The following LRIG1 variants were observed in gnomAD, a reference collection of about 807,000 sequenced individuals.
LRIG1 encodes leucine-rich repeats and immunoglobulin-like domains protein 1.
In LRIG1, 48 loss-of-function variants were observed where a neutral mutation model predicts 99.2. The ratio of observed to expected loss-of-function variants is 0.48; its 90% confidence interval spans 0.38 to 0.62. The LOEUF is 0.62. Among genes scored for constraint, LRIG1 ranks in the 20% least tolerant of loss-of-function variants. The probability of loss-of-function intolerance (pLI) is 0.00; values close to 1 mark genes in which losing one functional copy is unlikely to be tolerated. For synonymous variants in LRIG1, 772 were observed against 596.1 expected, an observed-to-expected ratio of 1.29 and a Z score of -4.30; for missense variants, 1,646 against 1,434.4, an observed-to-expected ratio of 1.15 and a Z score of -2.38.
At chr3:66,430,269 G>GT (rs1253521891) in intron 3 of LRIG1, among the ~76,000 whole-genome samples, 1 of 152,168 alleles carries the variant, frequency 6.6e-6, no homozygotes, top group Non-Finnish European at 1.5e-5. Flanking sequence ...ACAACGTGGA[G>GT]TTAACTTTTT....
chr3:66,435,237 A>C (rs1019656430), intron 3 of LRIG1, among the ~76,000 whole-genome samples: 2 of 152,260 alleles, frequency 1.3e-5, no homozygotes, highest in Non-Finnish European at 2.9e-5. Context: ...AAATGAAAAA[A>C]CTACAAATTT....
At chr3:66,384,547 C>T (rs1440637081) in intron 13 of LRIG1, among the ~76,000 whole-genome samples, 2 of 152,044 alleles carry the variant, frequency 1.3e-5, no homozygotes, top group Non-Finnish European at 2.9e-5. Flanking sequence ...ATGGCAGTGC[C>T]TATACGGGAG....
chr3:66,415,482 A>T (rs538644646), intron 4 of LRIG1, among the ~76,000 whole-genome samples: 19 of 152,332 alleles, frequency 1.2e-4, no homozygotes, highest in African/African-American at 4.6e-4. Context: ...GTCAGTGTTA[A>T]TTTAATAATT....
rs1251439733 is a variant in LRIG1 at position 66,386,082 on chromosome 3, T to C, written c.1688A>G (p.His563Arg). 2 of 1,614,054 alleles carry C rather than the reference T, an allele frequency of 1.2e-6. 1 individual carries two copies. The highest frequency in any genetic ancestry group is 2.2e-5 in the South Asian group (2 of 91,070). Residue 563 changes from histidine (H) to arginine (R), a missense_variant, in exon 13 of 19, where the codon CAC (histidine) becomes CGC (arginine). Physicochemically the swap from His to Arg is conservative, Grantham distance 29. Coordinates refer to ENST00000273261, the MANE Select transcript of LRIG1 (RefSeq NM_015541.3). Reference sequence around the variant, plus strand: ...GTGCCCGAAAGTGACCTGACGGAGGTGCAGGATGGTGGTGTACTCCATCAC... The same window carrying C: ...GTGCCCGAAAGTGACCTGACGGAGGCGCAGGATGGTGGTGTACTCCATCAC... ...GEVMEYTTIL[H>R]LRQVTFGHEG...
intron 9 of LRIG1, among the ~76,000 whole-genome samples, chr3:66,401,961 G>A (rs138849959): frequency 7.8e-4 from 118 of 152,206 alleles, no homozygotes; most frequent in Middle Eastern, 3.4e-3. Flanking sequence ...GGAAGTAGCC[G>A]CGACATGTGC....
At chr3:66,456,380 G>A (rs927082303) in intron 2 of LRIG1, among the ~76,000 whole-genome samples, 1 of 152,050 alleles carries the variant, frequency 6.6e-6, no homozygotes, top group Non-Finnish European at 1.5e-5. Context: ...CCAGTAGTTC[G>A]AGACTAGCCT....
At chr3:66,461,592 A>G (rs140259666) in intron 2 of LRIG1, among the ~76,000 whole-genome samples, 1 of 152,346 alleles carries the variant, frequency 6.6e-6, no homozygotes, top group African/African-American at 2.4e-5. Flanking sequence ...TGTACATGTA[A>G]TAGTTTTCAC....
chr3:66,426,037 T>C (rs910460799), intron 3 of LRIG1, among the ~76,000 whole-genome samples: 1 of 152,170 alleles, frequency 6.6e-6, no homozygotes, highest in African/African-American at 2.4e-5. Context: ...TTCCCGTTAG[T>C]GGTGGAAAAG....
chr3:66,444,809 A>G (rs1434269943), intron 3 of LRIG1, among the ~76,000 whole-genome samples: 4 of 152,194 alleles, frequency 2.6e-5, no homozygotes, highest in Non-Finnish European at 5.9e-5. Context: ...AATCTGTGCA[A>G]ACAGGGAAGG....
At chr3:66,434,482 C>G (rs1028316034) in intron 3 of LRIG1, among the ~76,000 whole-genome samples, 3 of 152,166 alleles carry the variant, frequency 2.0e-5, no homozygotes, top group Admixed American at 2.0e-4. Flanking sequence ...CGCGGTAGCT[C>G]ACACCTGTAA....
intron 7 of LRIG1, among the ~76,000 whole-genome samples, chr3:66,408,137 C>T (rs761759781): frequency 6.6e-6 from 1 of 152,248 alleles, no homozygotes; most frequent in African/African-American, 2.4e-5. Flanking sequence ...CCTCCCAGCA[C>T]TCCTGCACCT....
intron 1 of LRIG1, among the ~76,000 whole-genome samples, chr3:66,489,083 G>A (rs762025961): frequency 1.3e-5 from 2 of 152,148 alleles, no homozygotes; most frequent in Non-Finnish European, 2.9e-5. Flanking sequence ...TAAAAATGAA[G>A]GAAAGCACCA....
At chr3:66,499,451 GC>G (rs1405452037) in intron 1 of LRIG1, among the ~76,000 whole-genome samples, 4 of 152,134 alleles carry the variant, frequency 2.6e-5, no homozygotes, top group Non-Finnish European at 5.9e-5. Context: ...GCCCAATGGG[GC>G]CCCAGGGAAC....
At chr3:66,486,626 T>C (rs1700981119) in intron 1 of LRIG1, among the ~76,000 whole-genome samples, 3 of 152,270 alleles carry the variant, frequency 2.0e-5, no homozygotes, top group South Asian at 2.1e-4. Flanking sequence ...CTGATGTTTA[T>C]GACTTTTTAA....
chr3:66,382,388 G>T lies in LRIG1; in HGVS notation c.2502C>A (p.Val834=), dbSNP rs73833479. 51 of 1,614,188 alleles carry T rather than the reference G, an allele frequency of 3.2e-5. No individual in the cohort carries two copies. In the African/African-American group the frequency reaches 5.2e-4, roughly 16 times the overall value. ...EYSVTNTDET[V]VPPDVPSYLS... Reference sequence around the variant, plus strand: ...GGTAGCTTGGAACATCTGGTGGCACGACGGTTTCATCTGCAAGGAGACAGA... The same window carrying T: ...GGTAGCTTGGAACATCTGGTGGCACTACGGTTTCATCTGCAAGGAGACAGA... Residue 834 remains valine (V), a synonymous_variant, in exon 16 of 19, where the codon GTC becomes GTA. Coordinates refer to ENST00000273261, the MANE Select transcript of LRIG1 (RefSeq NM_015541.3).
At chr3:66,466,581 A>G (rs1341936809) in intron 1 of LRIG1, among the ~76,000 whole-genome samples, 1 of 152,222 alleles carries the variant, frequency 6.6e-6, no homozygotes, top group East Asian at 1.9e-4. Context: ...CACTTAGCCC[A>G]AGAGCTCTGC....
chr3:66,405,605 C>A (rs1482416818), intron 8 of LRIG1: 4 of 580,874 alleles, frequency 6.9e-6, no homozygotes, highest in Non-Finnish European at 1.0e-5. Flanking sequence ...CTGGCCCCAG[C>A]ACTGAGAATC....
At chr3:66,443,359 T>TGAGTGAGGGGGCGGGGGAG (rs1272108276) in intron 3 of LRIG1, among the ~76,000 whole-genome samples, 1 of 117,532 alleles carries the variant, frequency 8.5e-6, no homozygotes, top group African/African-American at 3.2e-5. Context: ...GGGCGGGGGA[T>TGAGTGAGGGGGCGGGGGAG]GAGTGAGGGG....
At chr3:66,447,993 C>T (rs1354995622) in intron 3 of LRIG1, among the ~76,000 whole-genome samples, 1 of 152,204 alleles carries the variant, frequency 6.6e-6, no homozygotes, top group African/African-American at 2.4e-5. Context: ...ATGAAATTAG[C>T]TCCCTCACCG....
Sources: allele counts gnomAD v4.1 joint callset (sites outside exome capture counted in the v4.1 genomes callset), GRCh38; gene constraint gnomAD v4.1.1; transcripts MANE v1.5; gene names NCBI Gene and HGNC (gene_info 2026-07-23, HGNC 2026-07-21).